The following CSMD2 variants were observed in gnomAD, a reference collection of about 807,000 sequenced individuals.
CSMD2 encodes the protein CUB and Sushi multiple domains 2, also known as CUB and sushi domain-containing protein 2.
Under a neutral mutation model 398.5 loss-of-function variants are expected in CSMD2, and 130 were observed. The observed-to-expected ratio is 0.33, with a 90% CI of 0.28 to 0.38. The LOEUF is 0.38. Among genes scored for constraint, CSMD2 ranks in the 10% least tolerant of loss-of-function variants. The pLI is 1.00. For missense variants in CSMD2, 3,829 were observed against 4,764.9 expected, an observed-to-expected ratio of 0.80 and a Z score of 5.78; for synonymous variants, 1,828 against 1,908.5, an observed-to-expected ratio of 0.96 and a Z score of 1.10.
intron 3 of CSMD2, among the ~76,000 whole-genome samples, chr1:34,004,887 C>A (rs1278472648): frequency 3.7e-4 from 56 of 152,284 alleles, no homozygotes; most frequent in Admixed American, 3.5e-3. Context: ...TCTGGACTTG[C>A]CAATCCTCAC....
chr1:33,689,699 G>A (rs765991511), intron 25 of CSMD2, among the ~76,000 whole-genome samples: 10 of 152,090 alleles, frequency 6.6e-5, no homozygotes, highest in Admixed American at 1.3e-4. Context: ...CATTACGGCC[G>A]CTATGCCATG....
chr1:33,802,299 G>A (rs1655696827), intron 10 of CSMD2, among the ~76,000 whole-genome samples: 1 of 152,168 alleles, frequency 6.6e-6, no homozygotes, highest in African/African-American at 2.4e-5. Context: ...GCACTGGGGT[G>A]TTTTTATTTC....
chr1:33,603,240 C>T lies in CSMD2; in HGVS notation c.6533-694G>A, dbSNP rs187046227. 1.7e-4 allele frequency among the ~76,000 whole-genome samples: 26 copies of T among 152,296 alleles called. No homozygotes were observed. In the East Asian group the frequency reaches 4.8e-3, roughly 28 times the overall value. ...TTGCTATGTAGATAAGATCCTCTCT[C>T]CTTATCTTCCTGTTCCCCAAAAGCA... is the stretch of plus-strand genomic sequence containing the variant. On this transcript the variant is annotated intron_variant, in intron 42 of 70. Transcript: ENST00000373381.
intron 31 of CSMD2, among the ~76,000 whole-genome samples, chr1:33,634,528 C>A (rs1642678580): frequency 6.6e-6 from 1 of 152,156 alleles, no homozygotes; most frequent in African/African-American, 2.4e-5. Flanking sequence ...AAGAGGAGAT[C>A]CAGGAAGAAA....
chr1:33,534,550 C>T (rs1655580754), intron 62 of CSMD2, among the ~76,000 whole-genome samples: 1 of 152,158 alleles, frequency 6.6e-6, no homozygotes, highest in Non-Finnish European at 1.5e-5. Flanking sequence ...ACCCCGCAAC[C>T]ACGGGCTCCA....
chr1:33,899,935 G>A (rs10799007), intron 5 of CSMD2, among the ~76,000 whole-genome samples: 1 of 152,160 alleles, frequency 6.6e-6, no homozygotes, highest in African/African-American at 2.4e-5. Context: ...CGGTCAGCCT[G>A]AAGCTGCCTC....
Position 33,523,432 on chromosome 1 carries a change from G to T in CSMD2, c.10397-13C>A, listed in dbSNP as rs773899854. ...TTCTTGTAAGTTCCTGGGAAATAAAGTTCAGGTGTTACACATGAAAGATAT... is the reference window on the plus strand; with the variant it reads ...TTCTTGTAAGTTCCTGGGAAATAAATTTCAGGTGTTACACATGAAAGATAT... On this transcript the variant is annotated splice_polypyrimidine_tract_variant and intron_variant, in intron 66 of 70. Transcript: ENST00000373381. 8 of 1,219,860 alleles carry T rather than the reference G, an allele frequency of 6.6e-6. No individual in the cohort carries two copies. The highest frequency in any genetic ancestry group is 3.6e-6 in the Non-Finnish European group (3 of 841,418). The allele number at this position is 1,219,860 out of a possible 1,614,324, so 75.6% of individuals were successfully genotyped here. A position where few individuals can be genotyped will look rare whatever the true frequency, so the allele number is the denominator to read the frequency against.
chr1:33,849,960 G>T (rs1049808953), intron 5 of CSMD2, among the ~76,000 whole-genome samples: 2 of 151,968 alleles, frequency 1.3e-5, no homozygotes, highest in African/African-American at 4.8e-5. Context: ...CCTTGAAAAA[G>T]CCACTCTTCC....
At chr1:33,819,955 C>T in intron 8 of CSMD2, 118 bp from the exon 9 acceptor site, 1 of 1,277,042 alleles carries the variant, frequency 7.8e-7, no homozygotes, top group Non-Finnish European at 1.1e-6. Context: ...CCCTTAATCT[C>T]TGCTCCACTG....
chr1:33,569,404 G>T lies in CSMD2; in HGVS notation c.8101C>A (p.Leu2701Ile), dbSNP rs773545403. 6.2e-7 allele frequency: 1 copy of T among 1,614,054 alleles called. No homozygotes were observed. The highest frequency in any genetic ancestry group is 8.5e-7 in the Non-Finnish European group (1 of 1,179,998). Residue 2701 changes from leucine to isoleucine, a missense_variant, in exon 52 of 71, where the codon CTC becomes ATC. Physicochemically the swap from Leu to Ile is conservative, Grantham distance 5. Around this residue, in one of 5 missense-constraint regions of CSMD2, gnomAD observed 723 missense variants for 758.6 expected, o/e 0.95. Coordinates refer to ENST00000373381, the MANE Select transcript of CSMD2 (RefSeq NM_001281956.2). ...SRVRECMANG[L>I]WSGSEVRCLA... ...CAGCGGACTTCAGAGCCACTCCAGA[G>T]CCCATTGGCCATGCACTCACGCACC... is the stretch of plus-strand genomic sequence containing the variant.
chr1:33,753,208 C>G (rs1648501629), intron 13 of CSMD2, among the ~76,000 whole-genome samples: 1 of 152,212 alleles, frequency 6.6e-6, no homozygotes, highest in South Asian at 2.1e-4. Flanking sequence ...GGAAAAAAGG[C>G]CTTGACGGCA....
At chr1:33,600,773 T>C (rs1048043062) in intron 44 of CSMD2, 92 bp downstream of exon 44, 2 of 1,345,502 alleles carry the variant, frequency 1.5e-6, no homozygotes, top group African/African-American at 2.9e-5. Flanking sequence ...TCACTCAAGG[T>C]CACATGATCC....
chr1:33,915,108 T>C (rs539656358), intron 5 of CSMD2, among the ~76,000 whole-genome samples: 1 of 152,298 alleles, frequency 6.6e-6, no homozygotes, highest in South Asian at 2.1e-4. Flanking sequence ...AGTGGATTTT[T>C]TTTTTCTCTC....
chr1:33,736,090 G>A (rs1313113709), intron 15 of CSMD2, among the ~76,000 whole-genome samples: 1 of 152,172 alleles, frequency 6.6e-6, no homozygotes, highest in Non-Finnish European at 1.5e-5. Flanking sequence ...AACCGAGCGG[G>A]CTCTCCCTGG....
intron 6 of CSMD2, among the ~76,000 whole-genome samples, chr1:33,826,719 C>CTCTGTACCCA (rs1379580703): frequency 6.6e-6 from 1 of 152,212 alleles, no homozygotes; most frequent in Non-Finnish European, 1.5e-5. Context: ...AAGGCCATTC[C>CTCTGTACCCA]TCTGTACCCA....
intron 3 of CSMD2, among the ~76,000 whole-genome samples, chr1:33,967,483 C>T (rs1464327163): frequency 6.6e-6 from 1 of 152,220 alleles, no homozygotes; most frequent in Admixed American, 6.5e-5. Flanking sequence ...TCTTTCCCTA[C>T]ACCATAAAGG....
chr1:33,728,398 A>C (rs1646612083), intron 15 of CSMD2, among the ~76,000 whole-genome samples: 1 of 152,208 alleles, frequency 6.6e-6, no homozygotes, highest in Admixed American at 6.5e-5. Flanking sequence ...TCTTAATAGA[A>C]ACTTATATTA....
At chr1:33,676,237 A>G (rs1644706091) in intron 25 of CSMD2, among the ~76,000 whole-genome samples, 1 of 152,210 alleles carries the variant, frequency 6.6e-6, no homozygotes, top group Non-Finnish European at 1.5e-5. Flanking sequence ...AATCTCCTTA[A>G]GCTGATAAGC....
chr1:33,579,931 G>T (rs997924997), intron 48 of CSMD2, among the ~76,000 whole-genome samples: 9 of 152,124 alleles, frequency 5.9e-5, no homozygotes, highest in Admixed American at 5.2e-4. Flanking sequence ...TGCCCGCCTT[G>T]GCATCCCAAA....
Sources: allele counts gnomAD v4.1 joint callset (sites outside exome capture counted in the v4.1 genomes callset), GRCh38; gene constraint gnomAD v4.1.1; regional missense constraint gnomAD v4.1.1; transcripts MANE v1.5; gene names NCBI Gene and HGNC (gene_info 2026-07-23, HGNC 2026-07-21).